Variants in THADA observed in about 807,000 individuals in gnomAD.
The protein encoded by THADA is THADA armadillo repeat containing.
THADA carries 213 observed loss-of-function variants against 219.8 expected under a neutral mutation model. The observed-to-expected ratio is 0.97, with a 90% confidence interval of 0.87 to 1.09. The LOEUF (loss-of-function observed/expected upper bound fraction) is 1.09, where lower values mean the gene tolerates loss of function less well. THADA is among the 50% of genes least tolerant of loss of function. THADA has a pLI of 0.00. For missense variants in THADA, 2,956 were observed against 2,311.3 expected (o/e 1.28, Z -5.72); for synonymous variants, 1,018 against 828.9 (o/e 1.23, Z -3.92).
intron 30 of THADA, among the ~76,000 whole-genome samples, chr2:43,337,447 A>G (rs1666584531): frequency 6.6e-6 from 1 of 152,234 alleles, no homozygotes; most frequent in African/African-American, 2.4e-5. Flanking sequence ...AATAATATTT[A>G]CAAATCTCCT....
chr2:43,573,908 T>C (rs1201403682), intron 11 of THADA, among the ~76,000 whole-genome samples: 1 of 152,162 alleles, frequency 6.6e-6, no homozygotes, highest in Non-Finnish European at 1.5e-5. Flanking sequence ...CTCTGAATTT[T>C]GTCACTTCCC....
intron 22 of THADA, among the ~76,000 whole-genome samples, chr2:43,523,547 T>C (rs1294311044): frequency 2.0e-5 from 3 of 152,156 alleles, no homozygotes; most frequent in Non-Finnish European, 4.4e-5. Context: ...ATTTTTTCAG[T>C]ATTATATTTA....
intron 31 of THADA, among the ~76,000 whole-genome samples, chr2:43,294,966 T>C (rs185890570): frequency 4.5e-4 from 68 of 152,264 alleles, no homozygotes; most frequent in Middle Eastern, 3.4e-3. Context: ...CTAATAGAAA[T>C]TGGGTAAACC....
chr2:43,380,782 G>A (rs1411517353), intron 29 of THADA, among the ~76,000 whole-genome samples: 4 of 152,168 alleles, frequency 2.6e-5, no homozygotes, highest in African/African-American at 9.7e-5. Flanking sequence ...TACAAGGTGA[G>A]ACTAGAACAT....
intron 36 of THADA, among the ~76,000 whole-genome samples, chr2:43,265,249 C>T (rs965764787): frequency 1.3e-5 from 2 of 152,240 alleles, no homozygotes; most frequent in Admixed American, 6.5e-5. Flanking sequence ...CCCAGTGCAT[C>T]TGGACAACCT....
At chr2:43,307,572 A>G (rs1677010009) in intron 31 of THADA, among the ~76,000 whole-genome samples, 1 of 152,242 alleles carries the variant, frequency 6.6e-6, no homozygotes, top group African/African-American at 2.4e-5. Flanking sequence ...ATGGGACATC[A>G]TGTAGGACCT....
At chr2:43,442,383 C>G (rs1680952418) in intron 26 of THADA, among the ~76,000 whole-genome samples, 1 of 152,058 alleles carries the variant, frequency 6.6e-6, no homozygotes, top group South Asian at 2.1e-4. Context: ...TTGCAGTGAG[C>G]CAAGATCACA....
At chr2:43,341,605 A>G (rs1332983655) in intron 30 of THADA, among the ~76,000 whole-genome samples, 10 of 152,218 alleles carry the variant, frequency 6.6e-5, no homozygotes, top group Non-Finnish European at 1.5e-4. Context: ...ATGACTTTCT[A>G]CGAGATGCAT....
rs542053362 is a variant in THADA at position 43,347,638 on chromosome 2, T to C, written c.4228-3401A>G. The stretch of plus-strand genomic sequence containing the variant: ...ACAAGATATTCATAGTAGGAGAAAA[T>C]TGGGGGAAAGAGGTGGGGAGGAGAA... On this transcript the variant is annotated intron_variant, in intron 29 of 37. Coordinates refer to ENST00000405975, the MANE Select transcript of THADA (RefSeq NM_022065.5). Among the ~76,000 whole-genome samples the C allele has an allele frequency of 1.1e-4, 17 of 152,028 alleles. No homozygotes were observed. The South Asian group carries it at 3.1e-3, about 28-fold the overall frequency.
At position 43,428,138 on chromosome 2, in the gene THADA, A is replaced by C; in HGVS notation, c.4020T>G (p.Ser1340=). 6.4e-7 allele frequency: 1 copy of C among 1,562,860 alleles called. No homozygotes were observed. Among genetic ancestry groups the C allele is most frequent in the Non-Finnish European group, 8.8e-7 (1 of 1,138,886 alleles). ...GAACAAAAGGTCCCATGCTGAGAGC[A>C]GAAGAAGTACCATCCATCGGGGAAG... is the stretch of plus-strand genomic sequence containing the variant. The part of the protein sequence containing the change: ...LYASPMDGTS[S]ALSMGPFVPF... The change falls in exon 28 of 38, where the codon TCT becomes TCG. Residue 1340 remains serine, a synonymous_variant. Transcript: ENST00000405975.
At chr2:43,571,973 T>C (rs1699353515) in intron 12 of THADA, 111 bp from the exon 13 acceptor site, 1 of 940,236 alleles carries the variant, frequency 1.1e-6, no homozygotes, top group Non-Finnish European at 1.6e-6. Flanking sequence ...AAACTTCAGT[T>C]CACCAATAGG....
chr2:43,502,345 G>C (rs982255394), intron 24 of THADA, among the ~76,000 whole-genome samples: 1 of 152,150 alleles, frequency 6.6e-6, no homozygotes, highest in African/African-American at 2.4e-5. Context: ...AGCACTTTGG[G>C]AGGCCAAGGC....
At chr2:43,285,285 G>A (rs766756275) in intron 35 of THADA, among the ~76,000 whole-genome samples, 9 of 151,752 alleles carry the variant, frequency 5.9e-5, no homozygotes, top group East Asian at 3.9e-4. Flanking sequence ...AATTGGAGGC[G>A]GGGCCTGGTG....
At chr2:43,241,788 ACGTG>A (rs1315219529) in intron 36 of THADA, among the ~76,000 whole-genome samples, 6 of 151,986 alleles carry the variant, frequency 3.9e-5, no homozygotes, top group Non-Finnish European at 7.4e-5. Flanking sequence ...CGCGCCTTTC[ACGTG>A]CGTGCTCACT....
intron 31 of THADA, among the ~76,000 whole-genome samples, chr2:43,319,382 C>G (rs1469534651): frequency 1.3e-5 from 2 of 152,176 alleles, no homozygotes; most frequent in African/African-American, 4.8e-5. Flanking sequence ...AAAGAGGATA[C>G]AACAGCTACT....
Position 43,586,897 on chromosome 2 carries a change from T to C in THADA, c.408A>G (p.Lys136=), listed in dbSNP as rs754617107. 3 of 1,613,872 alleles carry C rather than the reference T, an allele frequency of 1.9e-6. No homozygotes were observed. The highest frequency in any genetic ancestry group is 2.5e-6 in the Non-Finnish European group (3 of 1,179,846). Reference sequence around the variant, plus strand: ...TACAGGAAGAAATATTGTCAGTAACTTTCCTGTAAGAGTATAAGTCAGTAG... The same window carrying C: ...TACAGGAAGAAATATTGTCAGTAACCTTCCTGTAAGAGTATAAGTCAGTAG... The part of the protein sequence containing the change: ...LNTTDLYSYR[K]VTDNISSCME... Residue 136 remains lysine (K), a synonymous_variant, in exon 5 of 38, where the codon AAA becomes AAG. Transcript: ENST00000405975.
chr2:43,541,746 G>T (rs990876385), intron 20 of THADA, among the ~76,000 whole-genome samples: 6 of 151,964 alleles, frequency 3.9e-5, no homozygotes, highest in African/African-American at 7.3e-5. Flanking sequence ...CTCTCGCTTG[G>T]GCCTCCCAAA....
rs552287296 is a variant in THADA at position 43,570,897 on chromosome 2, T to G, written c.2065-387A>C. ...GTTACCAAGTTTTCTTAAAACTACC[T>G]TAACTCCAGCATTAGACTTTTTCTT... On this transcript the variant is annotated intron_variant, in intron 13 of 37. Transcript: ENST00000405975. 1.5e-3 allele frequency among the ~76,000 whole-genome samples: 225 copies of G among 152,332 alleles called. 1 individual carries two copies. Among genetic ancestry groups the G allele is most frequent in the African/African-American group, 5.2e-3 (218 of 41,568 alleles).
chr2:43,578,832 A>G (rs1700120294), intron 8 of THADA, among the ~76,000 whole-genome samples: 1 of 152,190 alleles, frequency 6.6e-6, no homozygotes, highest in African/African-American at 2.4e-5. Context: ...TTAGATGAAT[A>G]ATGAACATAA....
Sources: gnomAD v4.1 joint callset for allele counts (sites outside exome capture counted in the v4.1 genomes callset) on GRCh38, gnomAD v4.1.1 for gene constraint, MANE v1.5 for transcripts, NCBI Gene and HGNC (gene_info 2026-07-23, HGNC 2026-07-21) for gene names.